SLC35F3: variants seen among roughly 807,000 people sequenced by gnomAD.
SLC35F3 encodes the protein putative thiamine transporter SLC35F3.
Under a neutral mutation model 49.9 loss-of-function variants are expected in SLC35F3, and 25 were observed. The ratio of observed to expected loss-of-function variants is 0.50; its 90% CI spans 0.37 to 0.70. The LOEUF is 0.70. Among genes scored for constraint, SLC35F3 ranks in the 30% least tolerant of loss-of-function variants. SLC35F3 has a pLI of 0.00. For missense variants in SLC35F3, 525 were observed against 639.8 expected (o/e 0.82, Z 1.94); for synonymous variants, 275 against 265.4 (o/e 1.04, Z -0.35).
chr1:233,918,268 G>A (rs1937266), intron 2 of SLC35F3, among the ~76,000 whole-genome samples: 56,187 of 152,092 alleles, frequency 0.37, 11,574 homozygotes, highest in East Asian at 0.58. Context: ...TCTTTGTAGT[G>A]AGGGAGGTAG....
chr1:234,198,584 A>G (rs962636479), intron 2 of SLC35F3, among the ~76,000 whole-genome samples: 1 of 147,974 alleles, frequency 6.8e-6, no homozygotes, highest in African/African-American at 2.5e-5. Context: ...CCATTCTAGC[A>G]GGTATGAAGT....
chr1:234,276,999 C>A (rs1308895677), intron 3 of SLC35F3, among the ~76,000 whole-genome samples: 1 of 152,180 alleles, frequency 6.6e-6, no homozygotes, highest in Admixed American at 6.5e-5. Flanking sequence ...GTTCCTCTTC[C>A]CCTCAATGCT....
intron 2 of SLC35F3, among the ~76,000 whole-genome samples, chr1:234,059,188 A>G (rs1275539041): frequency 1.3e-5 from 2 of 149,998 alleles, no homozygotes; most frequent in African/African-American, 2.5e-5. Flanking sequence ...GTTCCACTGT[A>G]ATCTTAATTT....
chr1:234,032,676 A>G (rs542931610), intron 2 of SLC35F3, among the ~76,000 whole-genome samples: 1 of 152,284 alleles, frequency 6.6e-6, no homozygotes, highest in Non-Finnish European at 1.5e-5. Context: ...GTTGCTGCAA[A>G]TGCCATTATT....
intron 3 of SLC35F3, among the ~76,000 whole-genome samples, chr1:234,286,136 G>A (rs1003755911): frequency 2.6e-5 from 4 of 152,166 alleles, no homozygotes; most frequent in Non-Finnish European, 5.9e-5. Flanking sequence ...TTTTAAGATA[G>A]GTGTTATTAT....
intron 3 of SLC35F3, among the ~76,000 whole-genome samples, chr1:234,283,257 C>A (rs1668358145): frequency 6.6e-6 from 1 of 152,226 alleles, no homozygotes; most frequent in African/African-American, 2.4e-5. Context: ...AGCCAACGTG[C>A]ACATCAGCAT....
chr1:234,265,528 G>A (rs1021802148), intron 3 of SLC35F3, among the ~76,000 whole-genome samples: 1 of 151,766 alleles, frequency 6.6e-6, no homozygotes, highest in Non-Finnish European at 1.5e-5. Flanking sequence ...AGCCAGCAGG[G>A]ACCCCTTTTG....
chr1:234,269,526 G>T (rs976165632), intron 3 of SLC35F3, among the ~76,000 whole-genome samples: 7 of 150,382 alleles, frequency 4.7e-5, no homozygotes, highest in Admixed American at 1.3e-4. Context: ...CATGCATGCT[G>T]CCCTCCCTTT....
At chr1:234,169,704 C>T (rs1269491819) in intron 2 of SLC35F3, among the ~76,000 whole-genome samples, 1 of 152,216 alleles carries the variant, frequency 6.6e-6, no homozygotes, top group African/African-American at 2.4e-5. Context: ...GATGAATGTA[C>T]AGCCCCCAGC....
intron 2 of SLC35F3, among the ~76,000 whole-genome samples, chr1:233,941,947 GTTTT>G (rs1181871213): frequency 9.5e-6 from 1 of 104,736 alleles, no homozygotes; most frequent in African/African-American, 3.6e-5. Context: ...TCTTGGGGTT[GTTTT>G]TTGTTTTTTT....
At chr1:234,138,942 T>C (rs928540724) in intron 2 of SLC35F3, among the ~76,000 whole-genome samples, 4 of 152,232 alleles carry the variant, frequency 2.6e-5, no homozygotes, top group African/African-American at 9.6e-5. Flanking sequence ...TCATCTCAGT[T>C]TTGTCATCTT....
chr1:234,243,552 A>G (rs1667587669), intron 3 of SLC35F3, among the ~76,000 whole-genome samples: 1 of 152,232 alleles, frequency 6.6e-6, no homozygotes. Context: ...TGAGGGACAC[A>G]TGTAAACGTG....
chr1:234,105,696 A>G (rs1241271054), intron 2 of SLC35F3, among the ~76,000 whole-genome samples: 2 of 152,226 alleles, frequency 1.3e-5, no homozygotes, highest in Admixed American at 6.5e-5. Context: ...AGTACTCTGT[A>G]TATAGGAAGA....
intron 2 of SLC35F3, among the ~76,000 whole-genome samples, chr1:234,103,155 A>G (rs1665237073): frequency 6.6e-6 from 1 of 152,242 alleles, no homozygotes; most frequent in Non-Finnish European, 1.5e-5. Context: ...CTTCTGATCT[A>G]CCTGTAAGAA....
At chr1:234,070,233 TC>T (rs1321483817) in intron 2 of SLC35F3, among the ~76,000 whole-genome samples, 1 of 152,182 alleles carries the variant, frequency 6.6e-6, no homozygotes, top group Non-Finnish European at 1.5e-5. Flanking sequence ...GTTCTGACCT[TC>T]CTTCATACAG....
chr1:233,905,484 T>C (rs1264051323), intron 1 of SLC35F3, 45 bp from the exon 2 acceptor site: 1 of 1,416,506 alleles, frequency 7.1e-7, no homozygotes, highest in African/African-American at 1.4e-5. Flanking sequence ...TCTCTGTCCA[T>C]GCTCCCCCTG....
At chr1:233,964,260 G>T (rs1468832111) in intron 2 of SLC35F3, among the ~76,000 whole-genome samples, 1 of 152,198 alleles carries the variant, frequency 6.6e-6, no homozygotes, top group Non-Finnish European at 1.5e-5. Flanking sequence ...GCTAGTTAGT[G>T]CCAAGAGGGG....
At chr1:234,195,853 G>A (rs527858220) in intron 2 of SLC35F3, among the ~76,000 whole-genome samples, 5 of 152,238 alleles carry the variant, frequency 3.3e-5, no homozygotes, top group Non-Finnish European at 7.4e-5. Context: ...AGATCTGATG[G>A]TTTTATAAAG....
intron 2 of SLC35F3, among the ~76,000 whole-genome samples, chr1:233,978,876 C>CA (rs1325882652): frequency 2.6e-5 from 4 of 151,886 alleles, no homozygotes; most frequent in African/African-American, 4.8e-5. Context: ...ACTAAAGATA[C>CA]AAAAATTAGT....
Sources: allele counts gnomAD v4.1 joint callset (sites outside exome capture counted in the v4.1 genomes callset), GRCh38; gene constraint gnomAD v4.1.1; transcripts MANE v1.5; gene names NCBI Gene and HGNC (gene_info 2026-07-23, HGNC 2026-07-21).